KIAA0825: variants seen among roughly 807,000 people sequenced by gnomAD.
KIAA0825 encodes the protein uncharacterized protein KIAA0825.
A neutral mutation model predicts 147.6 loss-of-function variants in KIAA0825; 119 were observed. The observed-to-expected ratio is 0.81, with a 90% confidence interval of 0.69 to 0.94. The LOEUF is 0.94. KIAA0825 is among the 40% of genes least tolerant of loss of function. KIAA0825 has a pLI of 0.00. For synonymous variants in KIAA0825, 470 were observed against 518.1 expected (o/e 0.91, Z 1.26); for missense variants, 1,381 against 1,472.7 (o/e 0.94, Z 1.02).
Position 94,465,030 on chromosome 5 carries a change from C to T in KIAA0825, c.1902G>A (p.Met634Ile), listed in dbSNP as rs1160403894. The change falls in exon 11 of 21, where the codon ATG becomes ATA. Residue 634 changes from methionine (M) to isoleucine (I), a missense_variant. Physicochemically the swap from Met to Ile is conservative, Grantham distance 10 (BLOSUM62 1). Transcript: ENST00000682413. Reference sequence around the variant, plus strand: ...GAAGAGACCAGCAGAAATAATGCCACATCTGGATCGAGAAGGAACATCTTT... The same window carrying T: ...GAAGAGACCAGCAGAAATAATGCCATATCTGGATCGAGAAGGAACATCTTT... ...EGERCSFSIQ[M>I]WHYFCWSLHY... The T allele has an allele frequency of 1.9e-6, 3 of 1,551,556 alleles. No individual in the cohort carries two copies. Among genetic ancestry groups the T allele is most frequent in the African/African-American group, 1.4e-5 (1 of 73,170 alleles).
intron 5 of KIAA0825, among the ~76,000 whole-genome samples, chr5:94,515,448 T>C (rs1767068531): frequency 6.6e-6 from 1 of 152,164 alleles, no homozygotes; most frequent in African/African-American, 2.4e-5. Context: ...ATAAGCTAAA[T>C]GAAAAAAATA....
At chr5:94,190,729 A>G (rs1386231286) in intron 20 of KIAA0825, among the ~76,000 whole-genome samples, 1 of 151,124 alleles carries the variant, frequency 6.6e-6, no homozygotes, top group Non-Finnish European at 1.5e-5. Context: ...TTTCTCCTAT[A>G]CTATTTTGAT....
chr5:94,269,135 TTAAA>T (rs1412160515), intron 20 of KIAA0825, among the ~76,000 whole-genome samples: 1 of 152,138 alleles, frequency 6.6e-6, no homozygotes, highest in Non-Finnish European at 1.5e-5. Flanking sequence ...GGTGCCATCG[TTAAA>T]TAATCAAAAT....
intron 16 of KIAA0825, among the ~76,000 whole-genome samples, chr5:94,396,711 T>C (rs1471475925): frequency 6.6e-6 from 1 of 152,098 alleles, no homozygotes; most frequent in African/African-American, 2.4e-5. Flanking sequence ...GTTTTTTTTT[T>C]TCTCTCATAA....
At chr5:94,503,279 TTCCTTG>T (rs1584706496) in intron 5 of KIAA0825, among the ~76,000 whole-genome samples, 1 of 152,068 alleles carries the variant, frequency 6.6e-6, no homozygotes, top group Non-Finnish European at 1.5e-5. Context: ...CCTATAACAC[TTCCTTG>T]AACAATCTAA....
chr5:94,218,965 C>G (rs1010804424), intron 20 of KIAA0825, among the ~76,000 whole-genome samples: 1 of 151,978 alleles, frequency 6.6e-6, no homozygotes, highest in Non-Finnish European at 1.5e-5. Context: ...TATCTTTGTG[C>G]TTTTGCACTG....
chr5:94,386,415 A>T lies in KIAA0825; in HGVS notation c.3457-11T>A. 3 of 1,539,564 alleles carry T rather than the reference A, an allele frequency of 1.9e-6. No individual in the cohort carries two copies. The Admixed American group carries it at 6.2e-5, about 32-fold the overall frequency. On this transcript the variant is annotated splice_polypyrimidine_tract_variant and intron_variant, in intron 18 of 20. Coordinates refer to ENST00000682413, the MANE Select transcript of KIAA0825 (RefSeq NM_001145678.3). ...TTCTTTTAAATATTCCTTCAAAGAA[A>T]AGAAATTACAAGTTGTGACGGTGAG...
intron 13 of KIAA0825, among the ~76,000 whole-genome samples, chr5:94,447,363 T>C (rs1757862089): frequency 6.6e-6 from 1 of 152,046 alleles, no homozygotes; most frequent in Non-Finnish European, 1.5e-5. Context: ...GGTTAAAGTA[T>C]ATGAACCTGC....
intron 20 of KIAA0825, among the ~76,000 whole-genome samples, chr5:94,155,009 A>C (rs905269882): frequency 6.6e-6 from 1 of 152,142 alleles, no homozygotes; most frequent in Admixed American, 6.6e-5. Flanking sequence ...ACAGTCTAAA[A>C]GATCCTCTGC....
At chr5:94,609,127 T>A (rs1327630217) in intron 1 of KIAA0825, among the ~76,000 whole-genome samples, 1 of 152,156 alleles carries the variant, frequency 6.6e-6, no homozygotes, top group African/African-American at 2.4e-5. Context: ...CAAAGAAGAA[T>A]ATTCACAATT....
intron 20 of KIAA0825, among the ~76,000 whole-genome samples, chr5:94,324,605 A>G (rs529579743): frequency 1.3e-5 from 2 of 152,106 alleles, no homozygotes; most frequent in South Asian, 4.1e-4. Context: ...TTTTTTTACC[A>G]TTTTAAATCC....
intron 15 of KIAA0825, among the ~76,000 whole-genome samples, chr5:94,404,293 T>C (rs1214499551): frequency 1.3e-5 from 2 of 152,104 alleles, no homozygotes; most frequent in African/African-American, 4.8e-5. Flanking sequence ...GTAGTAAAAA[T>C]TAAAGTAGGT....
rs144730368 is a variant in KIAA0825 at position 94,386,760 on chromosome 5, T to C, written c.3457-356A>G. Among the ~76,000 whole-genome samples the C allele has an allele frequency of 7.9e-5, 12 of 152,334 alleles. No individual in the cohort carries two copies. In the East Asian group the frequency reaches 2.3e-3, roughly 29 times the overall value. ...CCAAAACTTAACTCATCTGCATGAT[T>C]ATTCACAGTATAAGATTGCCCATCC... On this transcript the variant is annotated intron_variant, in intron 18 of 20. Coordinates refer to ENST00000682413, the MANE Select transcript of KIAA0825 (RefSeq NM_001145678.3).
Position 94,233,558 on chromosome 5 carries a change from C to T in KIAA0825, c.3711-79434G>A, listed in dbSNP as rs180733021. 7.2e-5 allele frequency among the ~76,000 whole-genome samples: 11 copies of T among 152,256 alleles called. No homozygotes were observed. In the East Asian group the frequency reaches 2.1e-3, roughly 29 times the overall value. ...TACCTATTTTTTTGAAAGCCTGTAT[C>T]TTACCTTTCCCCAAGACTGAATATA... On this transcript the variant is annotated intron_variant, in intron 20 of 20. Transcript: ENST00000682413.
At chr5:94,186,426 G>C (rs1222932979) in intron 20 of KIAA0825, among the ~76,000 whole-genome samples, 5 of 152,060 alleles carry the variant, frequency 3.3e-5, no homozygotes. Context: ...GAAGTAAAGA[G>C]GTAAAAAGAG....
chr5:94,266,715 T>G (rs1776751351), intron 20 of KIAA0825, among the ~76,000 whole-genome samples: 1 of 152,184 alleles, frequency 6.6e-6, no homozygotes, highest in Admixed American at 6.5e-5. Context: ...TCATCACTAA[T>G]TTTTTGTTTC....
chr5:94,395,453 T>A (rs771741231), intron 17 of KIAA0825, among the ~76,000 whole-genome samples: 5 of 152,188 alleles, frequency 3.3e-5, no homozygotes, highest in Non-Finnish European at 5.9e-5. Flanking sequence ...TGAAGACTAA[T>A]TTAAAGACAG....
intron 20 of KIAA0825, among the ~76,000 whole-genome samples, chr5:94,303,100 A>G (rs940387794): frequency 6.6e-6 from 1 of 152,014 alleles, no homozygotes; most frequent in Non-Finnish European, 1.5e-5. Context: ...CTAGATAACA[A>G]AAAAGAAGAA....
intron 20 of KIAA0825, among the ~76,000 whole-genome samples, chr5:94,200,372 G>C (rs72771622): frequency 5.3e-5 from 8 of 152,208 alleles, no homozygotes; most frequent in Non-Finnish European, 8.8e-5. Context: ...TCAGCCCTGT[G>C]GTCTGCATCC....
Sources: gnomAD v4.1 joint callset for allele counts (sites outside exome capture counted in the v4.1 genomes callset) on GRCh38, gnomAD v4.1.1 for gene constraint, MANE v1.5 for transcripts, NCBI Gene and HGNC (gene_info 2026-07-23, HGNC 2026-07-21) for gene names.